Variants in SEMA3D observed in about 807,000 individuals in gnomAD.
SEMA3D encodes semaphorin-3D.
SEMA3D carries 84 observed loss-of-function variants against 100.1 expected under a neutral mutation model. The ratio of observed to expected loss-of-function variants is 0.84; its 90% confidence interval spans 0.70 to 1.01. SEMA3D has a LOEUF of 1.01. Among genes scored for constraint, SEMA3D ranks in the 50% least tolerant of loss-of-function variants. SEMA3D has a pLI of 0.00. For missense variants in SEMA3D, 875 were observed against 934.1 expected, an observed-to-expected ratio of 0.94 and a Z score of 0.82; for synonymous variants, 312 against 320.7, an observed-to-expected ratio of 0.97 and a Z score of 0.29.
chr7:85,147,743 T>A (rs1790257901), intron 2 of SEMA3D, among the ~76,000 whole-genome samples: 1 of 152,182 alleles, frequency 6.6e-6, no homozygotes, highest in Non-Finnish European at 1.5e-5. Flanking sequence ...TACCTATATA[T>A]CTGCTAATTT....
intron 2 of SEMA3D, among the ~76,000 whole-genome samples, chr7:85,148,066 A>G (rs1347260721): frequency 6.6e-6 from 1 of 152,212 alleles, no homozygotes; most frequent in Non-Finnish European, 1.5e-5. Context: ...CACAATGACA[A>G]TCTATTTAAA....
chr7:85,012,710 T>C (rs909290693), intron 17 of SEMA3D, 72 bp downstream of exon 17: 8 of 1,145,202 alleles, frequency 7.0e-6, no homozygotes, highest in Non-Finnish European at 1.1e-5. Flanking sequence ...GTTTAAGTCA[T>C]ATAATAAAAA....
At chr7:85,165,287 A>C (rs1197141679) in intron 1 of SEMA3D, among the ~76,000 whole-genome samples, 1 of 147,076 alleles carries the variant, frequency 6.8e-6, no homozygotes, top group African/African-American at 2.5e-5. Context: ...TAAAAAAAAA[A>C]ACTTCTAGAG....
At chr7:85,166,449 A>C (rs761745773) in intron 1 of SEMA3D, among the ~76,000 whole-genome samples, 1 of 152,004 alleles carries the variant, frequency 6.6e-6, no homozygotes, top group Non-Finnish European at 1.5e-5. Context: ...TGCTGAAGTG[A>C]TTGGAAAAAA....
chr7:85,171,604 T>C (rs1166127764), intron 1 of SEMA3D, among the ~76,000 whole-genome samples: 2 of 151,952 alleles, frequency 1.3e-5, no homozygotes, highest in Admixed American at 1.3e-4. Flanking sequence ...CACTGTTTGA[T>C]AGGCAGGTCC....
intron 1 of SEMA3D, among the ~76,000 whole-genome samples, chr7:85,158,258 CA>C (rs1790652027): frequency 6.6e-6 from 1 of 152,166 alleles, no homozygotes; most frequent in Admixed American, 6.5e-5. Context: ...TCTCTTCTTT[CA>C]AAAGCAAATA....
At chr7:85,108,845 C>G (rs1789006682) in intron 3 of SEMA3D, among the ~76,000 whole-genome samples, 2 of 151,784 alleles carry the variant, frequency 1.3e-5, no homozygotes, top group Admixed American at 6.6e-5. Flanking sequence ...GATCAATGAC[C>G]TGTTTAGTTT....
At chr7:85,037,227 C>T (rs563278994) in intron 11 of SEMA3D, among the ~76,000 whole-genome samples, 194 bp from the exon 12 acceptor site, 1 of 152,292 alleles carries the variant, frequency 6.6e-6, no homozygotes, top group East Asian at 1.9e-4. Context: ...GTAATAATAA[C>T]TTCATCGCCA....
At chr7:85,128,917 G>T (rs1789642101) in intron 2 of SEMA3D, among the ~76,000 whole-genome samples, 1 of 142,256 alleles carries the variant, frequency 7.0e-6, no homozygotes. Context: ...AGATAGATAG[G>T]GTCTCACTCT....
chr7:85,086,421 A>G (rs1239239248), intron 4 of SEMA3D, among the ~76,000 whole-genome samples: 5 of 152,104 alleles, frequency 3.3e-5, no homozygotes, highest in Admixed American at 3.3e-4. Flanking sequence ...AAACACGAAA[A>G]ACAAGACAAA....
chr7:85,204,570 C>T, the SEMA3D span, among the ~76,000 whole-genome samples: 230 of 151,942 alleles, frequency 1.5e-3, 1 homozygote, highest in East Asian at 0.027. Context: ...TGATGAGAAA[C>T]GGGCTCATGA....
At chr7:85,161,436 T>C (rs1385216581) in intron 1 of SEMA3D, among the ~76,000 whole-genome samples, 1 of 152,138 alleles carries the variant, frequency 6.6e-6, no homozygotes, top group Admixed American at 6.6e-5. Context: ...TATAATGTTT[T>C]AATCATAAAA....
rs183748105 is a variant in SEMA3D at position 85,050,443 on chromosome 7, C to T, written c.861+5274G>A. On this transcript the variant is annotated intron_variant, in intron 9 of 18. Coordinates refer to ENST00000284136, the MANE Select transcript of SEMA3D (RefSeq NM_001384900.1). ...TGGAAAAATAGAGTAAGTAGTTTGACTGGAAAGTAGGAACACTACTAAAAA... is the reference window on the plus strand; with the variant it reads ...TGGAAAAATAGAGTAAGTAGTTTGATTGGAAAGTAGGAACACTACTAAAAA... The T allele has an allele frequency of 1.2e-3, 279 of 239,640 alleles. 3 individuals are homozygous for T. The Middle Eastern group carries it at 0.025, about 21-fold the overall frequency. The allele number at this position is 239,640 out of a possible 1,614,324, so 14.8% of individuals were successfully genotyped here. A position where few individuals can be genotyped will look rare whatever the true frequency, so the allele number is the denominator to read the frequency against.
At chr7:85,014,746 T>C (rs1790049990) in intron 16 of SEMA3D, among the ~76,000 whole-genome samples, 1 of 151,402 alleles carries the variant, frequency 6.6e-6, no homozygotes, top group Admixed American at 6.6e-5. Context: ...AAGGAACAAT[T>C]ATAAAAAAGG....
At chr7:85,149,685 G>A (rs914072988) in intron 2 of SEMA3D, among the ~76,000 whole-genome samples, 1 of 152,130 alleles carries the variant, frequency 6.6e-6, no homozygotes, top group Non-Finnish European at 1.5e-5. Flanking sequence ...TAGACTTACA[G>A]TGCTTCCATT....
intron 13 of SEMA3D, 36 bp downstream of exon 13, chr7:85,022,355 T>C: frequency 6.9e-7 from 1 of 1,446,340 alleles, no homozygotes; most frequent in East Asian, 2.3e-5. Flanking sequence ...AATGAAAAAT[T>C]CCTTTTGAAA....
chr7:85,166,484 A>C (rs1487518534), intron 1 of SEMA3D, among the ~76,000 whole-genome samples: 1 of 152,054 alleles, frequency 6.6e-6, no homozygotes, highest in Non-Finnish European at 1.5e-5. Context: ...TGATAATAAT[A>C]GTAGCTAACA....
At chr7:85,106,291 C>T (rs981130032) in intron 3 of SEMA3D, among the ~76,000 whole-genome samples, 6 of 151,946 alleles carry the variant, frequency 3.9e-5, no homozygotes, top group Admixed American at 2.0e-4. Flanking sequence ...AAATTAAACG[C>T]CATGTCACAC....
At chr7:85,143,349 A>T in intron 2 of SEMA3D, 1 of 301,112 alleles carries the variant, frequency 3.3e-6, no homozygotes, top group Non-Finnish European at 4.9e-6. Context: ...TAAATTTGTC[A>T]TTAGGTGATT....
Sources: allele counts gnomAD v4.1 joint callset (sites outside exome capture counted in the v4.1 genomes callset), GRCh38; gene constraint gnomAD v4.1.1; transcripts MANE v1.5; gene names NCBI Gene and HGNC (gene_info 2026-07-23, HGNC 2026-07-21).